The following INTS9 variants were observed in gnomAD, a reference collection of about 807,000 sequenced individuals.
INTS9 encodes the protein integrator complex subunit 9.
In INTS9, 55 loss-of-function variants were observed where a neutral mutation model predicts 79.7. The observed-to-expected ratio is 0.69, with a 90% CI of 0.56 to 0.86. The LOEUF (loss-of-function observed/expected upper bound fraction) is 0.86. Among genes scored for constraint, INTS9 ranks in the 40% least tolerant of loss-of-function variants. The pLI, the probability that INTS9 is intolerant of heterozygous loss-of-function variation, is 0.00. For missense variants in INTS9, 721 were observed against 831.5 expected, an observed-to-expected ratio of 0.87 and a Z score of 1.64; for synonymous variants, 319 against 325.2, an observed-to-expected ratio of 0.98 and a Z score of 0.20.
chr8:28,814,673 G>C (rs1294863943), intron 6 of INTS9, among the ~76,000 whole-genome samples: 3 of 152,124 alleles, frequency 2.0e-5, no homozygotes, highest in Non-Finnish European at 2.9e-5. Flanking sequence ...GAGTAAAAAT[G>C]AAAGTCTGGA....
rs1299683829 is a variant in INTS9 at position 28,780,804 on chromosome 8, C to G, written c.1270+19G>C. The G allele has an allele frequency of 9.9e-6, 16 of 1,611,824 alleles. No homozygotes were observed. The highest frequency in any genetic ancestry group is 1.3e-5 in the Non-Finnish European group (15 of 1,178,220). ...CTCAGTGGAGAGAACCAATTTGTTTCTTTATTTTTTTCACTTACCCGTGAA... is the reference window on the plus strand; with the variant it reads ...CTCAGTGGAGAGAACCAATTTGTTTGTTTATTTTTTTCACTTACCCGTGAA... On this transcript the variant is annotated intron_variant, in intron 12 of 16. Coordinates refer to ENST00000521022, the MANE Select transcript of INTS9 (RefSeq NM_018250.4).
At chr8:28,828,274 G>C (rs977523377) in intron 6 of INTS9, among the ~76,000 whole-genome samples, 3 of 152,186 alleles carry the variant, frequency 2.0e-5, no homozygotes, top group Non-Finnish European at 4.4e-5. Flanking sequence ...CCTTGCTTTC[G>C]TCAGAAAGGC....
At chr8:28,834,672 A>G (rs1367228822) in intron 6 of INTS9, among the ~76,000 whole-genome samples, 1 of 140,768 alleles carries the variant, frequency 7.1e-6, no homozygotes, top group Non-Finnish European at 1.5e-5. Context: ...GGGGGCAAAC[A>G]TCTGTTTTTT....
chr8:28,833,135 C>G (rs1333567284), intron 6 of INTS9, among the ~76,000 whole-genome samples: 2 of 152,112 alleles, frequency 1.3e-5, no homozygotes, highest in Non-Finnish European at 2.9e-5. Flanking sequence ...GAAATAGTCA[C>G]TATAGAAAAA....
chr8:28,812,586 A>G lies in INTS9; in HGVS notation c.610-125T>C, dbSNP rs1805216298. 3 of 1,086,572 alleles carry G rather than the reference A, an allele frequency of 2.8e-6. No individual in the cohort carries two copies. In the African/African-American group the frequency reaches 4.8e-5, roughly 17 times the overall value. The allele number at this position is 1,086,572 out of a possible 1,614,324, so 67.3% of individuals were successfully genotyped here. On this transcript the variant is annotated intron_variant, in intron 7 of 16. Coordinates refer to ENST00000521022, the MANE Select transcript of INTS9 (RefSeq NM_018250.4). ...AACAAAAATTATTTTAAAGTAAACC[A>G]GAGACTGGGTGCAATGGCTCACGCC...
At chr8:28,871,973 T>G (rs1048630640) in intron 1 of INTS9, among the ~76,000 whole-genome samples, 13 of 151,812 alleles carry the variant, frequency 8.6e-5, no homozygotes, top group Admixed American at 7.2e-4. Flanking sequence ...TGAAAAAACA[T>G]ATGTAAAGAT....
chr8:28,822,880 T>G (rs950705443), intron 6 of INTS9, among the ~76,000 whole-genome samples: 3 of 152,026 alleles, frequency 2.0e-5, no homozygotes, highest in Admixed American at 6.6e-5. Flanking sequence ...TCCCACACAC[T>G]CTTTGTGTGG....
chr8:28,874,196 T>G (rs540486418), intron 1 of INTS9, among the ~76,000 whole-genome samples: 1 of 152,302 alleles, frequency 6.6e-6, no homozygotes, highest in South Asian at 2.1e-4. Flanking sequence ...TTTTCTTAAT[T>G]GTGTAAAATA....
intron 1 of INTS9, among the ~76,000 whole-genome samples, chr8:28,865,804 A>G (rs1298915896): frequency 6.6e-6 from 1 of 152,204 alleles, no homozygotes; most frequent in African/African-American, 2.4e-5. Context: ...CTCGTCTTTC[A>G]CAACTGTGAA....
chr8:28,861,681 C>T (rs539055601), intron 1 of INTS9, among the ~76,000 whole-genome samples: 3 of 152,132 alleles, frequency 2.0e-5, no homozygotes, highest in Admixed American at 2.0e-4. Flanking sequence ...CTCCTTAATT[C>T]TAAATTATGG....
In INTS9 at chr8:28,775,893, G is replaced by T. The variant is rs369630069; in HGVS notation, c.1429C>A (p.Gln477Lys). Residue 477 changes from glutamine to lysine, a missense_variant, in exon 14 of 17, where the codon CAG (glutamine) becomes AAG (lysine). Around this residue, in one of 3 missense-constraint regions of INTS9, gnomAD observed 281 missense variants for 300.8 expected, o/e 0.93. Coordinates refer to ENST00000521022, the MANE Select transcript of INTS9 (RefSeq NM_018250.4). Reference protein sequence around the residue: ...LHVVCPEQYTQPPPAQSHRMD... With the variant: ...LHVVCPEQYTKPPPAQSHRMD... ...CTGTGGGACTGGGCTGGGGGCGGCT[G>T]AGTGTACTGCTCAGGACACACCACG... 45 of 1,604,602 alleles carry T rather than the reference G, an allele frequency of 2.8e-5. No individual in the cohort carries two copies. The highest frequency in any genetic ancestry group is 3.8e-5 in the Non-Finnish European group (45 of 1,175,430).
intron 12 of INTS9, chr8:28,780,452 G>C (rs898278738): frequency 1.0e-6 from 1 of 985,282 alleles, no homozygotes; most frequent in African/African-American, 1.7e-5. Flanking sequence ...TCCACAGTTA[G>C]AGTAAACCAC....
chr8:28,774,222 C>A (rs1563240193), intron 14 of INTS9, among the ~76,000 whole-genome samples: 1 of 152,202 alleles, frequency 6.6e-6, no homozygotes, highest in Non-Finnish European at 1.5e-5. Flanking sequence ...GCAAATACAT[C>A]AAAATCTTAA....
chr8:28,813,636 C>T, intron 6 of INTS9, 24 bp from the exon 7 acceptor site: 2 of 1,610,478 alleles, frequency 1.2e-6, no homozygotes, highest in African/African-American at 2.7e-5. Flanking sequence ...ACAATGTCAA[C>T]TACCAGGTGA....
chr8:28,874,034 T>G (rs1439534972), intron 1 of INTS9, among the ~76,000 whole-genome samples: 1 of 152,224 alleles, frequency 6.6e-6, no homozygotes, highest in African/African-American at 2.4e-5. Flanking sequence ...TGCTAAAAAA[T>G]ATCTTTTCTC....
chr8:28,769,701 G>T, intron 16 of INTS9, 188 bp downstream of exon 16: 1 of 678,124 alleles, frequency 1.5e-6, no homozygotes, highest in Non-Finnish European at 2.4e-6. Context: ...AGGAAGGATG[G>T]GGCACTCCTC....
chr8:28,889,969 C>G lies in INTS9; in HGVS notation c.-87G>C, dbSNP rs142138880. The G allele has an allele frequency of 1.8e-6, 2 of 1,103,118 alleles. No individual in the cohort carries two copies. The highest frequency in any genetic ancestry group is 1.3e-5 in the South Asian group (1 of 77,726). The allele number at this position is 1,103,118 out of a possible 1,614,324, so 68.3% of individuals were successfully genotyped here. A position where few individuals can be genotyped will look rare whatever the true frequency, so the allele number is the denominator to read the frequency against. On this transcript the variant is annotated 5_prime_UTR_variant, in exon 1 of 17. Transcript: ENST00000521022. ...GGTGCAATCTCCGCCACCTGCCAGC[C>G]GAGAGCATCGCGGGACTTGCAGTCT...
At chr8:28,816,984 C>G (rs1445685164) in intron 6 of INTS9, among the ~76,000 whole-genome samples, 5 of 149,200 alleles carry the variant, frequency 3.4e-5, no homozygotes, top group African/African-American at 1.2e-4. Flanking sequence ...GTCCTTTGCC[C>G]ACTTTTTGAT....
At chr8:28,774,183 A>T (rs530294363) in intron 14 of INTS9, among the ~76,000 whole-genome samples, 1 of 152,350 alleles carries the variant, frequency 6.6e-6, no homozygotes, top group East Asian at 1.9e-4. Context: ...GTGTGATTCC[A>T]GTAGGCACAC....
Sources: allele counts gnomAD v4.1 joint callset (sites outside exome capture counted in the v4.1 genomes callset), GRCh38; gene constraint gnomAD v4.1.1; regional missense constraint gnomAD v4.1.1; transcripts MANE v1.5; gene names NCBI Gene and HGNC (gene_info 2026-07-23, HGNC 2026-07-21).